CFAP46: variants seen among roughly 807,000 people sequenced by gnomAD.
CFAP46 encodes cilia- and flagella-associated protein 46.
A neutral mutation model predicts 325.7 loss-of-function variants in CFAP46; 245 were observed. The ratio of observed to expected loss-of-function variants is 0.75; its 90% confidence interval spans 0.68 to 0.84. The LOEUF is 0.84. Among genes scored for constraint, CFAP46 ranks in the 40% least tolerant of loss-of-function variants. The pLI is 0.00. For synonymous variants in CFAP46, 1,523 were observed against 1,495.9 expected, an observed-to-expected ratio of 1.02 and a Z score of -0.42; for missense variants, 3,346 against 3,543.0, an observed-to-expected ratio of 0.94 and a Z score of 1.41.
rs767763583 is a variant in CFAP46 at position 132,847,252 on chromosome 10, T to C, written c.6022A>G (p.Ser2008Gly). 4 of 1,613,310 alleles carry C rather than the reference T, an allele frequency of 2.5e-6. No individual in the cohort carries two copies. In the African/African-American group the frequency reaches 5.3e-5, roughly 22 times the overall value. Residue 2008 changes from serine to glycine, a missense_variant, in exon 42 of 58, where the codon AGC becomes GGC. Ser to Gly is a moderately conservative substitution (Grantham distance 56, BLOSUM62 0). Coordinates refer to ENST00000368586, the MANE Select transcript of CFAP46 (RefSeq NM_001200049.3). The surrounding 1 kb of genome is among the most constrained non-coding windows in gnomAD (Gnocchi z 5.2). Reference sequence around the variant, plus strand: ...GCCCTGGAGGCCGGCGGGTCCCTGCTGGACTTTGTGGCACCCTCTTCCTCT... The same window carrying C: ...GCCCTGGAGGCCGGCGGGTCCCTGCCGGACTTTGTGGCACCCTCTTCCTCT... ...EVEEEGATKS[S>G]RDPPASRAAP...
chr10:132,834,835 G>A (rs1487195264), intron 47 of CFAP46, 60 bp from the exon 48 acceptor site: 22 of 1,566,014 alleles, frequency 1.4e-5, no homozygotes, highest in Middle Eastern at 4.4e-4. Flanking sequence ...CAGACCCCGC[G>A]AGGGCCAGGC....
At chr10:132,835,629 G>A (rs1039790647) in intron 46 of CFAP46, among the ~76,000 whole-genome samples, 195 bp from the exon 47 acceptor site, 6 of 152,100 alleles carry the variant, frequency 3.9e-5, no homozygotes, top group African/African-American at 1.4e-4. Flanking sequence ...GGCAGCGGAT[G>A]GGCCTCCTGG....
At chr10:132,843,055 A>G (rs1848369457) in intron 44 of CFAP46, among the ~76,000 whole-genome samples, 1 of 152,164 alleles carries the variant, frequency 6.6e-6, no homozygotes, top group Non-Finnish European at 1.5e-5. Flanking sequence ...GTCTTTTCCA[A>G]TGTCCCCCTC....
chr10:132,882,366 G>T (rs891071573), intron 27 of CFAP46, among the ~76,000 whole-genome samples: 19 of 151,860 alleles, frequency 1.3e-4, no homozygotes, highest in Non-Finnish European at 2.5e-4. Context: ...GATACGTGGG[G>T]TGTGTCTTGG....
chr10:132,858,198 C>T (rs759796557), intron 38 of CFAP46, among the ~76,000 whole-genome samples: 5 of 149,032 alleles, frequency 3.4e-5, no homozygotes, highest in African/African-American at 1.3e-4. Flanking sequence ...CCCGCCGTGT[C>T]GAGACGCTTG....
rs1452927202 is a variant in CFAP46, at chr10:132,919,426, C to G, written c.1747G>C (p.Glu583Gln). The G allele has an allele frequency of 2.6e-6, 4 of 1,549,748 alleles. No homozygotes were observed. Among genetic ancestry groups the G allele is most frequent in the Non-Finnish European group, 3.5e-6 (4 of 1,146,820 alleles). The change falls in exon 15 of 58, where the codon GAG (glutamate) becomes CAG (glutamine). Residue 583 changes from glutamate (E) to glutamine (Q), a missense_variant. Transcript: ENST00000368586. The surrounding 1 kb of genome is among the most constrained non-coding windows in gnomAD (Gnocchi z 9.7). ...TGTTTCCGGGCCACTTTGGCCAGCT[C>G]TGCCCAAATCTGTATCCTGCTCACC... ...NDKERIQIWA[E>Q]LAKVARKQGV...
At chr10:132,834,456 G>A (rs1340646936) in intron 48 of CFAP46, among the ~76,000 whole-genome samples, 198 bp downstream of exon 48, 3 of 152,248 alleles carry the variant, frequency 2.0e-5, no homozygotes, top group Non-Finnish European at 4.4e-5. Context: ...TGGGCAGTGG[G>A]CAGTGGGCAG....
intron 50 of CFAP46, among the ~76,000 whole-genome samples, chr10:132,825,034 TGTG>T (rs1234766622): frequency 4.3e-5 from 6 of 140,252 alleles, no homozygotes; most frequent in African/African-American, 8.2e-5. Flanking sequence ...GTGCTGTGTG[TGTG>T]GTGATGTGTG....
chr10:132,899,095 G>A lies in CFAP46; in HGVS notation c.3083C>T (p.Ala1028Val), dbSNP rs541348416. 2.9e-4 allele frequency: 456 copies of A among 1,549,938 alleles called. No homozygotes were observed. Among genetic ancestry groups the A allele is most frequent in the Admixed American group, 4.1e-4 (21 of 50,982 alleles). The stretch of plus-strand genomic sequence containing the variant: ...ATGCCGCGCGGCCAGCATCACCAGG[G>A]CGCTGCTGCCCGCGATGCCTCCGAA... ...ARFGGIAGSS[A>V]LVMLAARHYW... The change falls in exon 24 of 58, where the codon GCC (alanine) becomes GTC (valine). Residue 1028 changes from alanine (A) to valine (V), a missense_variant. Ala to Val is a moderately conservative substitution (Grantham distance 64). Coordinates refer to ENST00000368586, the MANE Select transcript of CFAP46 (RefSeq NM_001200049.3).
intron 17 of CFAP46, among the ~76,000 whole-genome samples, chr10:132,913,665 G>A (rs1849590313): frequency 6.6e-6 from 1 of 152,184 alleles, no homozygotes; most frequent in South Asian, 2.1e-4. Context: ...CGCTGGGACG[G>A]CTGGATGGTG....
chr10:132,941,936 C>T, intron 2 of CFAP46, 44 bp downstream of exon 2: 1 of 1,548,036 alleles, frequency 6.5e-7, no homozygotes, highest in Non-Finnish European at 8.7e-7. Context: ...CCCTCCCTCT[C>T]CCTGTCAAAG....
At position 132,912,614 on chromosome 10, in the gene CFAP46, T is replaced by TTTCCTCTCTC. The variant is rs1564798494; in HGVS notation, c.2499+40_2499+41insGAGAGAGGAA. On this transcript the variant is annotated intron_variant, in intron 19 of 57. Coordinates refer to ENST00000368586, the MANE Select transcript of CFAP46 (RefSeq NM_001200049.3). Reference sequence around the variant, plus strand: ...CTCTCTCTCCTCTCTCCTCTCTCTCTCTCTCTCTCTCTCTCTCTCTCGGCA... The same window carrying TTTCCTCTCTC: ...CTCTCTCTCCTCTCTCCTCTCTCTCTTTCCTCTCTCCTCTCTCTCTCTCTCTCTCTCGGCA... The TTTCCTCTCTC allele has an allele frequency of 2.0e-4, 136 of 687,454 alleles. 1 individual carries two copies. The highest frequency in any genetic ancestry group is 1.8e-3 in the Middle Eastern group (5 of 2,748). The allele number at this position is 687,454 out of a possible 1,614,324, so 42.6% of individuals were successfully genotyped here.
In CFAP46 at chr10:132,909,259, G is replaced by A; in HGVS notation, c.2650-15C>T. The stretch of plus-strand genomic sequence containing the variant: ...TCATTGGTGCCCTGGTGGGGAGGAT[G>A]CCCTGAGTGTATCAGCCCAAGCGTG... On this transcript the variant is annotated splice_polypyrimidine_tract_variant and intron_variant, in intron 20 of 57. Transcript: ENST00000368586. 1.3e-6 allele frequency: 2 copies of A among 1,537,318 alleles called. No homozygotes were observed. Among genetic ancestry groups the A allele is most frequent in the Non-Finnish European group, 1.8e-6 (2 of 1,135,152 alleles).
In CFAP46 at chr10:132,913,149, C is replaced by T. The variant is rs771882009; in HGVS notation, c.2230G>A (p.Val744Ile). Residue 744 changes from valine to isoleucine, a missense_variant, in exon 18 of 58, where the codon GTC (valine) becomes ATC (isoleucine). By Grantham distance (29) the Val-to-Ile change is conservative. Transcript: ENST00000368586. Reference sequence around the variant, plus strand: ...ATCAGGTGGTGGTTGTGGTTCAGGACGTAGACCACGGCGTTCTGCACAATC... The same window carrying T: ...ATCAGGTGGTGGTTGTGGTTCAGGATGTAGACCACGGCGTTCTGCACAATC... The part of the protein sequence containing the change: ...AWIVQNAVVY[V>I]LNHNHHLILA... 2.3e-5 allele frequency: 35 copies of T among 1,550,338 alleles called. No individual in the cohort carries two copies. In the East Asian group the frequency reaches 2.9e-4, roughly 13 times the overall value.
At chr10:132,899,191 C>G in intron 23 of CFAP46, 70 bp from the exon 24 acceptor site, 12 of 1,489,500 alleles carry the variant, frequency 8.1e-6, no homozygotes, top group Non-Finnish European at 1.1e-5. Context: ...CCAGGAGGGA[C>G]AGGAAGGTCG....
At chr10:132,821,359 T>C (rs1259626948) in intron 50 of CFAP46, among the ~76,000 whole-genome samples, 1 of 134,150 alleles carries the variant, frequency 7.5e-6, no homozygotes. Context: ...ATGTGTGCTG[T>C]GTGTGCTGTG....
Position 132,908,588 on chromosome 10 carries a change from T to C in CFAP46, c.2804A>G (p.Glu935Gly). ...GGTCAGCCGCGTCAGGGTCTGCAGCTCCACCAGGGGGTCCGACCAGTTGCA... is the reference window on the plus strand; with the variant it reads ...GGTCAGCCGCGTCAGGGTCTGCAGCCCCACCAGGGGGTCCGACCAGTTGCA... Reference protein sequence around the residue: ...SECNWSDPLVELQTLTRLTHF... With the variant: ...SECNWSDPLVGLQTLTRLTHF... Residue 935 changes from glutamate (E) to glycine (G), a missense_variant, in exon 22 of 58, where the codon GAG becomes GGG. Coordinates refer to ENST00000368586, the MANE Select transcript of CFAP46 (RefSeq NM_001200049.3). The C allele has an allele frequency of 6.5e-7, 1 of 1,549,492 alleles. No homozygotes were observed. Among genetic ancestry groups the C allele is most frequent in the Non-Finnish European group, 8.7e-7 (1 of 1,146,430 alleles).
intron 34 of CFAP46, among the ~76,000 whole-genome samples, chr10:132,866,550 G>A (rs949206769): frequency 6.6e-6 from 1 of 152,222 alleles, no homozygotes; most frequent in East Asian, 1.9e-4. Context: ...CCTGCCTGCG[G>A]CTGTGCACCC....
chr10:132,887,584 TC>T (rs1849171227), intron 25 of CFAP46, among the ~76,000 whole-genome samples: 1 of 19,818 alleles, frequency 5.0e-5, no homozygotes, highest in African/African-American at 2.4e-4. Flanking sequence ...TCTCCCCTCT[TC>T]TCTCCTCTCC....
Sources: allele counts gnomAD v4.1 joint callset (sites outside exome capture counted in the v4.1 genomes callset), GRCh38; gene constraint gnomAD v4.1.1; non-coding constraint Gnocchi (gnomAD v3.1); transcripts MANE v1.5; gene names NCBI Gene and HGNC (gene_info 2026-07-23, HGNC 2026-07-21).